ZNF518A: variants seen among roughly 807,000 people sequenced by gnomAD.
ZNF518A encodes the protein zinc finger protein 518.
ZNF518A carries 47 observed loss-of-function variants against 102.7 expected under a neutral mutation model. That is an observed-to-expected ratio of 0.46 (90% confidence interval 0.36 to 0.58). The LOEUF is 0.58. ZNF518A is among the 20% of genes least tolerant of loss of function. The pLI, the probability that ZNF518A is intolerant of heterozygous loss-of-function variation, is 0.00. For missense variants in ZNF518A, 1,793 were observed against 1,699.8 expected, an observed-to-expected ratio of 1.05 and a Z score of -0.96; for synonymous variants, 652 against 594.6, an observed-to-expected ratio of 1.10 and a Z score of -1.40.
chr10:96,204,537 G>C (rs927142756), downstream of ZNF518A: 1 of 1,613,774 alleles, frequency 6.2e-7, no homozygotes, highest in Non-Finnish European at 8.5e-7. Flanking sequence ...CTTACTTCTG[G>C]GCAGGAGGAA....
chr10:96,155,220 A>T (rs1279819419), intron 3 of ZNF518A, 106 bp from the exon 4 acceptor site: 2 of 152,192 alleles, frequency 1.3e-5, no homozygotes, highest in African/African-American at 2.4e-5. Flanking sequence ...GCTGTGATTT[A>T]TATGGCACTT....
chr10:96,158,791 A>G lies in ZNF518A; in HGVS notation c.2469A>G (p.Glu823=). 6.2e-7 allele frequency: 1 copy of G among 1,613,716 alleles called. No individual in the cohort carries two copies. Among genetic ancestry groups the G allele is most frequent in the Non-Finnish European group, 8.5e-7 (1 of 1,179,708 alleles). Residue 823 remains glutamate, a synonymous_variant, in exon 6 of 6, where the codon GAA becomes GAG. Transcript: ENST00000316045. ...AGTCATTTCAAAAACACGAGAGAGA[A>G]GGCAAAATTGTTGAATCTTCGAAAG... ...CDQSFQKHER[E]GKIVESSKDF... is the part of the protein sequence containing the mutation.
rs1230491925 is a variant in ZNF518A at position 96,161,011 on chromosome 10, A to AT, written c.*243dup. ...CACAGCACAGAAGTACCTTGATTTA[A>AT]TTTTTTAAACGTGTTCTCGGGAAGT... On this transcript the variant is annotated 3_prime_UTR_variant, in exon 6 of 6. Transcript: ENST00000316045. 9 of 402,902 alleles carry AT rather than the reference A, an allele frequency of 2.2e-5. No homozygotes were observed. Among genetic ancestry groups the AT allele is most frequent in the Non-Finnish European group, 3.1e-5 (7 of 227,678 alleles). 25.0% of individuals were successfully genotyped at this position (402,902 alleles called of 1,614,324 possible).
intron 1 of ZNF518A, among the ~76,000 whole-genome samples, chr10:96,173,905 AGT>A (rs2083188035): frequency 6.6e-6 from 1 of 152,184 alleles, no homozygotes; most frequent in African/African-American, 2.4e-5. Context: ...AATGATACAA[AGT>A]GTGTTCTCCA....
downstream of ZNF518A, among the ~76,000 whole-genome samples, chr10:96,165,910 G>A (rs587614444): frequency 1.3e-4 from 20 of 152,276 alleles, no homozygotes; most frequent in Non-Finnish European, 1.0e-4. Flanking sequence ...AGCTAGAGAC[G>A]TAGTGATGGT....
intron 1 of ZNF518A, among the ~76,000 whole-genome samples, chr10:96,199,325 T>A (rs1316020402): frequency 6.6e-6 from 1 of 152,230 alleles, no homozygotes; most frequent in African/African-American, 2.4e-5. Context: ...ATGATTGAAG[T>A]TGGGCTCTCC....
At chr10:96,205,012 G>C (rs1421051833), downstream of ZNF518A, 8 of 300,696 alleles carry the variant, frequency 2.7e-5, no homozygotes, top group African/African-American at 1.5e-4. Context: ...CAACACCCTG[G>C]TGGGTCTTGA....
chr10:96,171,938 A>G (rs2133883815), intron 1 of ZNF518A, among the ~76,000 whole-genome samples: 1 of 152,226 alleles, frequency 6.6e-6, no homozygotes, highest in East Asian at 1.9e-4. Flanking sequence ...AACCCCCAAT[A>G]AGATTAATAG....
rs1250807850 is a variant in ZNF518A, at chr10:96,190,435, T to G, written n.36-13139T>G. ...CCACCCTACTGACCTCATCTTACCT[T>G]GACTATATCTGTAAAGACCTCATTC... On this transcript the variant is annotated intron_variant and non_coding_transcript_variant, in intron 1 of 2. Transcript: ENST00000442635. Among the ~76,000 whole-genome samples, 5 of 152,300 alleles carry G rather than the reference T, an allele frequency of 3.3e-5. 1 individual carries two copies. Among genetic ancestry groups the G allele is most frequent in the African/African-American group, 1.2e-4 (5 of 41,574 alleles).
Position 96,157,404 on chromosome 10 carries a change from A to G in ZNF518A, c.1082A>G (p.Gln361Arg), listed in dbSNP as rs782470245. The G allele has an allele frequency of 2.5e-5, 40 of 1,612,802 alleles. No homozygotes were observed. The Middle Eastern group carries it at 9.9e-4, about 40-fold the overall frequency. The change falls in exon 6 of 6, where the codon CAG (glutamine) becomes CGG (arginine). Residue 361 changes from glutamine (Q) to arginine (R), a missense_variant. Around this residue, in one of 3 missense-constraint regions of ZNF518A, gnomAD observed 1,741 missense variants for 1,622.6 expected, o/e 1.07. Coordinates refer to ENST00000316045, the MANE Select transcript of ZNF518A (RefSeq NM_001330736.2). The stretch of plus-strand genomic sequence containing the variant: ...AAAACACAGACTAAATCTGAAGACC[A>G]GAGCCATGTTGTTCAAGAGCATTTA... ...MNKTQTKSED[Q>R]SHVVQEHLSE...
chr10:96,175,861 C>CCCTG lies in ZNF518A; in HGVS notation n.35+19818_35+19821dup, dbSNP rs199758997. The stretch of plus-strand genomic sequence containing the variant: ...TGCAGCTGAATTACAAGTATTCCCT[C>CCCTG]CCTGCCTCCCTCCCTCCCTTCCTTC... On this transcript the variant is annotated intron_variant and non_coding_transcript_variant, in intron 1 of 2. Transcript: ENST00000442635. Among the ~76,000 whole-genome samples, 35 of 74,078 alleles carry CCCTG rather than the reference C, an allele frequency of 4.7e-4. 1 individual carries two copies. The South Asian group carries it at 8.8e-3, about 19-fold the overall frequency. 48.6% of individuals were successfully genotyped at this position (74,078 alleles called of 152,430 possible). A position where few individuals can be genotyped will look rare whatever the true frequency, so the allele number is the denominator to read the frequency against.
intron 1 of ZNF518A, among the ~76,000 whole-genome samples, chr10:96,198,408 T>C (rs903910955): frequency 2.6e-5 from 4 of 152,232 alleles, no homozygotes; most frequent in Non-Finnish European, 5.9e-5. Context: ...ATCTACGTAT[T>C]GAAAGGGCTT....
rs1239957019 is a variant in ZNF518A, at chr10:96,130,410, T to C, written c.-795T>C. 6.6e-6 allele frequency among the ~76,000 whole-genome samples: 1 copy of C among 152,246 alleles called. No homozygotes were observed. Among genetic ancestry groups the C allele is most frequent in the Admixed American group, 6.5e-5 (1 of 15,290 alleles). The stretch of plus-strand genomic sequence containing the variant: ...CTGGGGTTGTTTTACTTCCGGGCTT[T>C]TTGAACTCTACACTCTCCTACATTC... On this transcript the variant is annotated 5_prime_UTR_variant, in exon 1 of 6. Transcript: ENST00000316045.
intron 3 of ZNF518A, among the ~76,000 whole-genome samples, chr10:96,139,364 T>A (rs782495390): frequency 5.3e-5 from 8 of 152,254 alleles, no homozygotes; most frequent in African/African-American, 1.9e-4. Flanking sequence ...CATTTGGAAG[T>A]GGGGCCTTTT....
Position 96,157,064 on chromosome 10 carries a change from G to A in ZNF518A, c.742G>A (p.Glu248Lys). 6.2e-7 allele frequency: 1 copy of A among 1,613,568 alleles called. No individual in the cohort carries two copies. Among genetic ancestry groups the A allele is most frequent in the Non-Finnish European group, 8.5e-7 (1 of 1,179,702 alleles). ...KCHHVCFTKGELQKHLHIHSG... is the reference protein window; with the variant it reads ...KCHHVCFTKGKLQKHLHIHSG... ...TCATCATGTATGTTTTACCAAAGGA[G>A]AGCTTCAGAAGCACCTTCATATTCA... The change falls in exon 6 of 6, where the codon GAG becomes AAG. Residue 248 changes from glutamate (E) to lysine (K), a missense_variant. Transcript: ENST00000316045.
intron 1 of ZNF518A, among the ~76,000 whole-genome samples, chr10:96,174,668 A>G (rs2083192778): frequency 6.6e-6 from 1 of 152,192 alleles, no homozygotes; most frequent in South Asian, 2.1e-4. Flanking sequence ...AAATGATACC[A>G]CAAAAATTGT....
chr10:96,196,904 T>C (rs2133931395), intron 1 of ZNF518A: 1 of 1,612,982 alleles, frequency 6.2e-7, no homozygotes, highest in East Asian at 2.2e-5. Context: ...AAGAAATCAC[T>C]GACCTCTTCA....
chr10:96,152,558 C>G (rs959254432), intron 3 of ZNF518A, among the ~76,000 whole-genome samples: 1 of 152,164 alleles, frequency 6.6e-6, no homozygotes, highest in Non-Finnish European at 1.5e-5. Flanking sequence ...AAGATACATA[C>G]ACAGTCATAC....
rs1554883864 is a variant in ZNF518A at position 96,157,844 on chromosome 10, A to G, written c.1522A>G (p.Met508Val). The G allele has an allele frequency of 6.8e-6, 11 of 1,613,984 alleles. No individual in the cohort carries two copies. The highest frequency in any genetic ancestry group is 9.3e-6 in the Non-Finnish European group (11 of 1,179,822). ...AACTGAGTTAAATGACACAGTTTAT[A>G]TGAAAGCAGCTACTCCATTTTCATG... ...VTTELNDTVYMKAATPFSCSS... is the reference protein window; with the variant it reads ...VTTELNDTVYVKAATPFSCSS... Residue 508 changes from methionine to valine, a missense_variant, in exon 6 of 6, where the codon ATG (methionine) becomes GTG (valine). Coordinates refer to ENST00000316045, the MANE Select transcript of ZNF518A (RefSeq NM_001330736.2).
Sources: allele counts gnomAD v4.1 joint callset (sites outside exome capture counted in the v4.1 genomes callset), GRCh38; gene constraint gnomAD v4.1.1; regional missense constraint gnomAD v4.1.1; transcripts MANE v1.5; gene names NCBI Gene and HGNC (gene_info 2026-07-23, HGNC 2026-07-21).